Variants in NOL10 observed in about 807,000 individuals in gnomAD.
NOL10 encodes H_NH0074G24.1.
Under a neutral mutation model 103.5 loss-of-function variants are expected in NOL10, and 58 were observed. The observed-to-expected ratio is 0.56, with a 90% CI of 0.45 to 0.70. NOL10 has a LOEUF of 0.70. Ranked by LOEUF, NOL10 falls within the 30% of genes least tolerant of loss-of-function variation. The pLI is 0.00. For missense variants in NOL10, 763 were observed against 807.3 expected (o/e 0.95, Z 0.67); for synonymous variants, 287 against 282.5 (o/e 1.02, Z -0.16).
intron 13 of NOL10, among the ~76,000 whole-genome samples, chr2:10,610,227 A>T (rs919519819): frequency 6.6e-6 from 1 of 152,226 alleles, no homozygotes; most frequent in Non-Finnish European, 1.5e-5. Context: ...CTTCAAAGAC[A>T]ATAAAAAGAT....
intron 13 of NOL10, among the ~76,000 whole-genome samples, chr2:10,639,803 C>T (rs1253503261): frequency 6.6e-6 from 1 of 151,754 alleles, no homozygotes; most frequent in Non-Finnish European, 1.5e-5. Context: ...AGAAAACAAA[C>T]AAACAAAACA....
chr2:10,637,171 G>A (rs1341149774), intron 13 of NOL10, among the ~76,000 whole-genome samples: 3 of 118,762 alleles, frequency 2.5e-5, no homozygotes, highest in Admixed American at 1.0e-4. Context: ...TCTGGGCCAC[G>A]GAGCAAGACA....
intron 19 of NOL10, among the ~76,000 whole-genome samples, chr2:10,579,245 T>C (rs1170712255): frequency 6.6e-6 from 1 of 152,254 alleles, no homozygotes; most frequent in African/African-American, 2.4e-5. Flanking sequence ...ATAATGTTAT[T>C]AAGAAGCACT....
chr2:10,591,129 C>T (rs1465125966), intron 17 of NOL10: 1 of 152,154 alleles, frequency 6.6e-6, no homozygotes, highest in Non-Finnish European at 1.5e-5. Flanking sequence ...CAGATAAACC[C>T]TTACCTAAAA....
intron 19 of NOL10, among the ~76,000 whole-genome samples, chr2:10,587,100 CATATATATACAT>C (rs1558270183): frequency 9.0e-5 from 3 of 33,198 alleles, no homozygotes; most frequent in Admixed American, 3.6e-4. Context: ...TATATATACA[CATATATATACAT>C]ATATATACAT....
At chr2:10,625,463 T>C (rs1033744720) in intron 13 of NOL10, among the ~76,000 whole-genome samples, 6 of 152,352 alleles carry the variant, frequency 3.9e-5, no homozygotes, top group African/African-American at 1.2e-4. Flanking sequence ...CATAACCATG[T>C]ACAGACATGC....
intron 17 of NOL10, among the ~76,000 whole-genome samples, chr2:10,599,028 G>A (rs1675841743): frequency 6.6e-6 from 1 of 152,072 alleles, no homozygotes; most frequent in Non-Finnish European, 1.5e-5. Context: ...CTGCACTATG[G>A]GGTATTCTAA....
At chr2:10,646,306 T>C (rs999516356) in intron 12 of NOL10, among the ~76,000 whole-genome samples, 1 of 152,200 alleles carries the variant, frequency 6.6e-6, no homozygotes, top group African/African-American at 2.4e-5. Context: ...CCTTCTCCAC[T>C]GGCTCAACCC....
intron 1 of NOL10, among the ~76,000 whole-genome samples, chr2:10,688,819 T>C (rs1395125219): frequency 2.0e-5 from 3 of 152,196 alleles, no homozygotes; most frequent in Non-Finnish European, 4.4e-5. Context: ...AGAAAGCTCA[T>C]GGGGTGTGAA....
intron 9 of NOL10, among the ~76,000 whole-genome samples, chr2:10,662,137 AT>A (rs1223167163): frequency 6.6e-6 from 1 of 152,146 alleles, no homozygotes; most frequent in East Asian, 1.9e-4. Context: ...ATTGACGAAT[AT>A]TTTTTTCATC....
chr2:10,602,967 C>G (rs1393884090), intron 15 of NOL10, 93 bp from the exon 16 acceptor site: 3 of 1,213,682 alleles, frequency 2.5e-6, no homozygotes, highest in African/African-American at 3.0e-5. Flanking sequence ...AAAGAACAGG[C>G]AGATCCCCTA....
intron 13 of NOL10, among the ~76,000 whole-genome samples, chr2:10,632,288 A>C (rs1205845939): frequency 6.6e-6 from 1 of 152,246 alleles, no homozygotes; most frequent in African/African-American, 2.4e-5. Flanking sequence ...GACGTAAAGA[A>C]GTAAATAAAC....
intron 13 of NOL10, among the ~76,000 whole-genome samples, chr2:10,609,493 G>C: frequency 6.6e-6 from 1 of 151,274 alleles, no homozygotes; most frequent in South Asian, 2.1e-4. Flanking sequence ...CCAGTTACTC[G>C]GGAGGCTGAG....
intron 13 of NOL10, among the ~76,000 whole-genome samples, chr2:10,614,683 C>A (rs1419081770): frequency 6.6e-6 from 1 of 152,120 alleles, no homozygotes; most frequent in Non-Finnish European, 1.5e-5. Context: ...GGGTTATAAA[C>A]AAACTTTCAA....
chr2:10,659,728 T>G (rs1680071340), intron 9 of NOL10, among the ~76,000 whole-genome samples: 1 of 152,070 alleles, frequency 6.6e-6, no homozygotes, highest in Non-Finnish European at 1.5e-5. Context: ...TATTCAAACT[T>G]TCATAATCAA....
chr2:10,586,180 A>G (rs1675014777), intron 19 of NOL10, among the ~76,000 whole-genome samples: 1 of 152,256 alleles, frequency 6.6e-6, no homozygotes, highest in South Asian at 2.1e-4. Context: ...GGTGATGACA[A>G]TGTTCTAAAA....
At chr2:10,646,008 A>T (rs1434822465) in intron 12 of NOL10, among the ~76,000 whole-genome samples, 1 of 152,068 alleles carries the variant, frequency 6.6e-6, no homozygotes, top group African/African-American at 2.4e-5. Flanking sequence ...AAGTCTAAAA[A>T]AGCAAGAATA....
intron 13 of NOL10, among the ~76,000 whole-genome samples, chr2:10,641,676 G>A (rs114619800): frequency 0.037 from 5,635 of 152,228 alleles, 205 homozygotes; most frequent in African/African-American, 0.093. Context: ...AGCAAAAACC[G>A]GGGTGTCATC....
chr2:10,675,046 T>C (rs1244956637), intron 4 of NOL10, among the ~76,000 whole-genome samples: 1 of 151,654 alleles, frequency 6.6e-6, no homozygotes, highest in Non-Finnish European at 1.5e-5. Context: ...CTACAAAAAA[T>C]TATAAAATTA....
Sources: allele counts gnomAD v4.1 joint callset (sites outside exome capture counted in the v4.1 genomes callset), GRCh38; gene constraint gnomAD v4.1.1; transcripts MANE v1.5; gene names NCBI Gene and HGNC (gene_info 2026-07-23, HGNC 2026-07-21).